The following SUGP2 variants were observed in gnomAD, a reference collection of about 807,000 sequenced individuals.
SUGP2 encodes the protein SURP and G-patch domain containing 2.
Under a neutral mutation model 90.5 loss-of-function variants are expected in SUGP2, and 24 were observed. The observed-to-expected ratio is 0.27, with a 90% CI of 0.19 to 0.37. The LOEUF (loss-of-function observed/expected upper bound fraction) is 0.37. SUGP2 is among the 10% of genes least tolerant of loss of function. SUGP2 has a pLI of 1.00. For missense variants in SUGP2, 1,233 were observed against 1,363.3 expected, an observed-to-expected ratio of 0.90 and a Z score of 1.51; for synonymous variants, 473 against 513.4, an observed-to-expected ratio of 0.92 and a Z score of 1.06.
chr19:19,016,502 CT>C (rs1352026539), intron 4 of SUGP2, among the ~76,000 whole-genome samples: 2 of 152,194 alleles, frequency 1.3e-5, no homozygotes, highest in Admixed American at 1.3e-4. Context: ...TATCAACCAC[CT>C]GTAAAGTGCC....
In SUGP2 at chr19:19,004,539, C is replaced by T. The variant is rs766127174; in HGVS notation, c.2558G>A (p.Gly853Asp). 2.5e-6 allele frequency: 4 copies of T among 1,614,210 alleles called. No individual in the cohort carries two copies. Among genetic ancestry groups the T allele is most frequent in the Non-Finnish European group, 3.4e-6 (4 of 1,180,026 alleles). The change falls in exon 7 of 11, where the codon GGT becomes GAT. Residue 853 changes from glycine (G) to aspartate (D), a missense_variant. Physicochemically the swap from Gly to Asp is moderately conservative, Grantham distance 94. Transcript: ENST00000452918. ...FTSSPHNLHT[G>D]GGDTTGSQES... is the part of the protein sequence containing the mutation. Reference sequence around the variant, plus strand: ...CTGAGAACCCGTGGTGTCACCACCACCAGTGTGAAGGTTGTGCGGAGATGA... The same window carrying T: ...CTGAGAACCCGTGGTGTCACCACCATCAGTGTGAAGGTTGTGCGGAGATGA...
At chr19:18,995,664 G>T (rs1010354500) in intron 8 of SUGP2, among the ~76,000 whole-genome samples, 4 of 152,196 alleles carry the variant, frequency 2.6e-5, no homozygotes, top group African/African-American at 7.2e-5. Flanking sequence ...AGAGTGGGGG[G>T]CACCAGGGCA....
Position 19,009,846 on chromosome 19 carries a change from A to T in SUGP2, c.2338+9T>A. On this transcript the variant is annotated intron_variant, in intron 5 of 10. Coordinates refer to ENST00000452918, the MANE Select transcript of SUGP2 (RefSeq NM_001017392.5). ...GGCCCAGAGGAGGGGGACAGGAGTG[A>T]GCACCCACTGTCAGCAGATGGGCAG... 1.3e-6 allele frequency: 2 copies of T among 1,596,348 alleles called. No homozygotes were observed. Among genetic ancestry groups the T allele is most frequent in the Non-Finnish European group, 1.7e-6 (2 of 1,169,794 alleles).
At chr19:18,994,857 C>T (rs1004975687) in intron 9 of SUGP2, 80 of 556,420 alleles carry the variant, frequency 1.4e-4, no homozygotes, top group African/African-American at 1.1e-3. Context: ...CAGTTCCAGA[C>T]GGAAACTACA....
At chr19:19,022,449 A>G (rs2058763138) in intron 3 of SUGP2, among the ~76,000 whole-genome samples, 1 of 152,220 alleles carries the variant, frequency 6.6e-6, no homozygotes, top group African/African-American at 2.4e-5. Flanking sequence ...AGTAAAAGGC[A>G]GCATGAGTCC....
At chr19:18,999,009 AG>A (rs2145298364) in intron 8 of SUGP2, 1 of 152,446 alleles carries the variant, frequency 6.6e-6, no homozygotes, top group South Asian at 2.1e-4. Context: ...TAGGGAAGGA[AG>A]GGGAAAGGCT....
intron 4 of SUGP2, among the ~76,000 whole-genome samples, chr19:19,010,606 G>C (rs1448658830): frequency 2.0e-5 from 3 of 152,184 alleles, no homozygotes; most frequent in Admixed American, 6.5e-5. Flanking sequence ...CCCAGCTCTT[G>C]ATGGCCTGGA....
chr19:18,994,151 A>T (rs1156318988), intron 10 of SUGP2: 4 of 580,782 alleles, frequency 6.9e-6, no homozygotes, highest in African/African-American at 3.8e-5. Flanking sequence ...GCCCTTGGCC[A>T]GTGTGAGGTT....
chr19:19,005,424 G>C (rs915702823), intron 6 of SUGP2, among the ~76,000 whole-genome samples: 2 of 152,000 alleles, frequency 1.3e-5, no homozygotes, highest in Non-Finnish European at 2.9e-5. Context: ...AGTTCATAAA[G>C]AAAAATAATA....
rs144507791 is a variant in SUGP2, at chr19:19,004,330, C to T, written c.2767G>A (p.Gly923Ser). 14 of 1,613,306 alleles carry T rather than the reference C, an allele frequency of 8.7e-6. No homozygotes were observed. Among genetic ancestry groups the T allele is most frequent in the East Asian group, 6.7e-5 (3 of 44,870 alleles). Residue 923 changes from glycine to serine, a missense_variant, in exon 7 of 11, where the codon GGC becomes AGC. Gly to Ser is a moderately conservative substitution (Grantham distance 56, BLOSUM62 0). Transcript: ENST00000452918. ...GKSEGSTPAD[G>S]LPGEAAEDDL... Reference sequence around the variant, plus strand: ...TCCTCGGCAGCCTCGCCGGGAAGGCCGTCGGCAGGGGTGCTGCCCTCAGAC... The same window carrying T: ...TCCTCGGCAGCCTCGCCGGGAAGGCTGTCGGCAGGGGTGCTGCCCTCAGAC...
At chr19:19,009,763 T>G in intron 5 of SUGP2, 92 bp downstream of exon 5, 1 of 1,477,860 alleles carries the variant, frequency 6.8e-7, no homozygotes, top group African/African-American at 1.4e-5. Flanking sequence ...CTGCCTTGCC[T>G]AGATTGCAGG....
At chr19:19,032,067 G>A (rs1399999367) in intron 1 of SUGP2, among the ~76,000 whole-genome samples, 3 of 151,912 alleles carry the variant, frequency 2.0e-5, no homozygotes, top group Admixed American at 1.3e-4. Flanking sequence ...GGAGGAAGGT[G>A]TCAACCAACA....
intron 2 of SUGP2, among the ~76,000 whole-genome samples, chr19:19,027,409 C>T (rs375870118): frequency 5.3e-5 from 8 of 152,354 alleles, no homozygotes; most frequent in African/African-American, 1.4e-4. Context: ...TCAACAAGTA[C>T]AAACTGGGCA....
intron 6 of SUGP2, among the ~76,000 whole-genome samples, chr19:19,007,183 G>A (rs1008528341): frequency 6.6e-6 from 1 of 152,194 alleles, no homozygotes; most frequent in East Asian, 1.9e-4. Flanking sequence ...CCTATGGGCT[G>A]TGTGCTTTTG....
At chr19:18,996,769 C>G (rs771768370) in intron 8 of SUGP2, among the ~76,000 whole-genome samples, 2 of 152,176 alleles carry the variant, frequency 1.3e-5, no homozygotes, top group Non-Finnish European at 2.9e-5. Context: ...CCATGCTGGT[C>G]TTGATCAAAC....
Position 19,025,124 on chromosome 19 carries a change from G to C in SUGP2, c.1224C>G (p.Asp408Glu). Reference sequence around the variant, plus strand: ...AATTTTTGGTCTTCACAGCACCTTTGTCTAAAAGCATGTTTAAAAACTCAT... The same window carrying C: ...AATTTTTGGTCTTCACAGCACCTTTCTCTAAAAGCATGTTTAAAAACTCAT... ...VDNEFLNMLL[D>E]KGAVKTKNCF... Residue 408 changes from aspartate to glutamate, a missense_variant, in exon 3 of 11, where the codon GAC (aspartate) becomes GAG (glutamate). Physicochemically the swap from Asp to Glu is conservative, Grantham distance 45 (BLOSUM62 2). Transcript: ENST00000452918. 1 of 1,613,446 alleles carries C rather than the reference G, an allele frequency of 6.2e-7. No homozygotes were observed. Among genetic ancestry groups the C allele is most frequent in the Non-Finnish European group, 8.5e-7 (1 of 1,179,896 alleles).
chr19:19,032,173 T>C (rs1183561565), intron 1 of SUGP2, among the ~76,000 whole-genome samples: 1 of 151,332 alleles, frequency 6.6e-6, no homozygotes, highest in Non-Finnish European at 1.5e-5. Context: ...TTTTTTTTCT[T>C]CCTTTTTTTG....
intron 8 of SUGP2, among the ~76,000 whole-genome samples, chr19:18,998,605 T>C (rs185042841): frequency 1.3e-3 from 186 of 144,246 alleles, no homozygotes; most frequent in Non-Finnish European, 1.8e-3. Context: ...TGTGTGTGCG[T>C]GTGTGTATGC....
chr19:18,991,651 C>T lies in SUGP2; in HGVS notation c.*2090G>A, dbSNP rs1354425027. 1.3e-5 allele frequency: 2 copies of T among 152,284 alleles called. No homozygotes were observed. The highest frequency in any genetic ancestry group is 1.9e-4 in the East Asian group (1 of 5,200). The allele number at this position is 152,284 out of a possible 1,614,324, so 9.4% of individuals were successfully genotyped here. ...GATGCTGGAGAGAGTGCGCTTGATC[C>T]ACGCTGCAGGTGTGTGCGCCTCGCT... On this transcript the variant is annotated 3_prime_UTR_variant, in exon 11 of 11. Transcript: ENST00000452918.
Sources: gnomAD v4.1 joint callset for allele counts (sites outside exome capture counted in the v4.1 genomes callset) on GRCh38, gnomAD v4.1.1 for gene constraint, MANE v1.5 for transcripts, NCBI Gene and HGNC (gene_info 2026-07-23, HGNC 2026-07-21) for gene names.